Variants in ADAMTS5 observed in about 807,000 individuals in gnomAD.
The protein encoded by ADAMTS5 is ADAM metallopeptidase with thrombospondin type 1 motif 5.
In ADAMTS5, 54 loss-of-function variants were observed where a neutral mutation model predicts 81.4. The observed-to-expected ratio is 0.66, with a 90% CI of 0.53 to 0.83. The LOEUF (loss-of-function observed/expected upper bound fraction) is 0.83, where lower values mean the gene tolerates loss of function less well. Among genes scored for constraint, ADAMTS5 ranks in the 40% least tolerant of loss-of-function variants. The pLI is 0.00. For synonymous variants in ADAMTS5, 532 were observed against 508.8 expected (o/e 1.05, Z -0.61); for missense variants, 1,194 against 1,229.9 (o/e 0.97, Z 0.44).
intron 2 of ADAMTS5, among the ~76,000 whole-genome samples, chr21:26,950,915 G>A (rs1987304339): frequency 6.6e-6 from 1 of 152,014 alleles, no homozygotes; most frequent in Non-Finnish European, 1.5e-5. Context: ...GAGTGCAGTG[G>A]TGTAATCATA....
In ADAMTS5 at chr21:26,958,362, T is replaced by TAC. The variant is rs370868688; in HGVS notation, c.1105-3493_1105-3492dup. 4.3e-3 allele frequency among the ~76,000 whole-genome samples: 650 copies of TAC among 151,528 alleles called. 13 individuals are homozygous for TAC. In the South Asian group the frequency reaches 0.054, roughly 13 times the overall value. ...GCATGGAGCTCAAGGGAAGAGCACATACACACACACACACAAACGCATGCA... is the reference window on the plus strand; with the variant it reads ...GCATGGAGCTCAAGGGAAGAGCACATACACACACACACACACAAACGCATGCA... On this transcript the variant is annotated intron_variant, in intron 1 of 7. Coordinates refer to ENST00000284987, the MANE Select transcript of ADAMTS5 (RefSeq NM_007038.5).
chr21:26,956,524 T>C (rs888857649), intron 1 of ADAMTS5, among the ~76,000 whole-genome samples: 21 of 152,298 alleles, frequency 1.4e-4, no homozygotes, highest in Non-Finnish European at 2.5e-4. Context: ...TGCATAATAA[T>C]CAGTCTTTGA....
intron 6 of ADAMTS5, 52 bp from the exon 7 acceptor site, chr21:26,930,113 C>T (rs1186254714): frequency 1.3e-6 from 2 of 1,570,402 alleles, no homozygotes; most frequent in East Asian, 2.3e-5. Context: ...TCAGTATTTG[C>T]TCCTTTGGTC....
Position 26,949,276 on chromosome 21 carries a change from A to C in ADAMTS5, c.1237+5463T>G, listed in dbSNP as rs528277336. Among the ~76,000 whole-genome samples the C allele has an allele frequency of 1.2e-4, 18 of 151,760 alleles. 1 individual carries two copies. In the South Asian group the frequency reaches 3.8e-3, roughly 32 times the overall value. ...GCAGTCATGCTATCAAAGCCCACTG[A>C]AGCCTCCATCTCTTGGGTTCAAATG... On this transcript the variant is annotated intron_variant, in intron 2 of 7. Coordinates refer to ENST00000284987, the MANE Select transcript of ADAMTS5 (RefSeq NM_007038.5).
chr21:26,946,115 C>T (rs1455190875), intron 2 of ADAMTS5, among the ~76,000 whole-genome samples: 1 of 152,088 alleles, frequency 6.6e-6, no homozygotes, highest in East Asian at 1.9e-4. Context: ...GTAGCTGGAA[C>T]CAGGGCATGG....
Position 26,919,306 on chromosome 21 carries a change from A to T in ADAMTS5, c.*4747T>A, listed in dbSNP as rs1040448357. On this transcript the variant is annotated 3_prime_UTR_variant, in exon 8 of 8. Transcript: ENST00000284987. The stretch of plus-strand genomic sequence containing the variant: ...GGTCACTCTGATGTAGCAGTACCTT[A>T]CAGGATGAGGGGCCACTGCTCGTTT... 6.6e-6 allele frequency: 1 copy of T among 151,294 alleles called. No individual in the cohort carries two copies. The highest frequency in any genetic ancestry group is 1.5e-5 in the Non-Finnish European group (1 of 67,802). The allele number at this position is 151,294 out of a possible 1,614,324, so 9.4% of individuals were successfully genotyped here.
Position 26,929,016 on chromosome 21 carries a change from C to T in ADAMTS5, c.2225+870G>A, listed in dbSNP as rs562364224. 1.6e-4 allele frequency among the ~76,000 whole-genome samples: 24 copies of T among 152,212 alleles called. 1 individual carries two copies. In the South Asian group the frequency reaches 3.9e-3, roughly 25 times the overall value. On this transcript the variant is annotated intron_variant, in intron 7 of 7. Transcript: ENST00000284987. ...TTTCATTAGCAAATAGAATTAGTAA[C>T]GCATATTTTAACTCAGAATAAATTT...
chr21:26,920,500 G>A lies in ADAMTS5; in HGVS notation c.*3553C>T, dbSNP rs1195525979. On this transcript the variant is annotated 3_prime_UTR_variant, in exon 8 of 8. Transcript: ENST00000284987. The stretch of plus-strand genomic sequence containing the variant: ...TCTGTAGAATCCTACAGACACTAGA[G>A]ACTAAATGATATTAATTTTAGGAGG... 1 of 152,068 alleles carries A rather than the reference G, an allele frequency of 6.6e-6. No homozygotes were observed. Among genetic ancestry groups the A allele is most frequent in the African/African-American group, 2.4e-5 (1 of 41,426 alleles). 9.4% of individuals were successfully genotyped at this position (152,068 alleles called of 1,614,324 possible).
chr21:26,952,259 A>G (rs1987333320), intron 2 of ADAMTS5, among the ~76,000 whole-genome samples: 1 of 152,278 alleles, frequency 6.6e-6, no homozygotes, highest in Non-Finnish European at 1.5e-5. Flanking sequence ...TAGTTTTCAT[A>G]CAGAAGCCCA....
rs546090978 is a variant in ADAMTS5, at chr21:26,919,127, T to C, written c.*4926A>G. The C allele has an allele frequency of 1.5e-4, 23 of 152,004 alleles. No homozygotes were observed. Among genetic ancestry groups the C allele is most frequent in the African/African-American group, 5.5e-4 (23 of 41,486 alleles). 9.4% of individuals were successfully genotyped at this position (152,004 alleles called of 1,614,324 possible). A position where few individuals can be genotyped will look rare whatever the true frequency, so the allele number is the denominator to read the frequency against. On this transcript the variant is annotated 3_prime_UTR_variant, in exon 8 of 8. Coordinates refer to ENST00000284987, the MANE Select transcript of ADAMTS5 (RefSeq NM_007038.5). ...CAAAAATACCACATTTGACAGTCGG[T>C]CACGAAAGATGTTAGCACCTCAATA...
intron 2 of ADAMTS5, among the ~76,000 whole-genome samples, chr21:26,945,958 C>T (rs1216490841): frequency 6.6e-6 from 1 of 152,164 alleles, no homozygotes. Context: ...AAGAGATCGA[C>T]TCTTTTGAGG....
At chr21:26,955,233 A>G (rs1358066723) in intron 1 of ADAMTS5, among the ~76,000 whole-genome samples, 2 of 152,210 alleles carry the variant, frequency 1.3e-5, no homozygotes, top group Non-Finnish European at 2.9e-5. Context: ...TTCATGCTAA[A>G]TTTATCAAAA....
intron 1 of ADAMTS5, among the ~76,000 whole-genome samples, chr21:26,963,865 G>A (rs1257627906): frequency 6.6e-6 from 1 of 151,978 alleles, no homozygotes; most frequent in Non-Finnish European, 1.5e-5. Context: ...AGCACTGCGC[G>A]CTGCTTGGCT....
chr21:26,933,070 TA>T, intron 4 of ADAMTS5, 26 bp from the exon 5 acceptor site: 3 of 1,586,162 alleles, frequency 1.9e-6, no homozygotes. Context: ...GAATATATTT[TA>T]ACTCCAATGA....
intron 6 of ADAMTS5, 61 bp downstream of exon 6, chr21:26,931,943 A>G (rs1054185868): frequency 6.7e-7 from 1 of 1,495,664 alleles, no homozygotes; most frequent in Non-Finnish European, 8.9e-7. Context: ...CGCAGGCTTC[A>G]TTCTACCAAA....
At position 26,924,283 on chromosome 21, in the gene ADAMTS5, ACTT is replaced by A. The variant is rs1311362461; in HGVS notation, c.2560_2562del (p.Lys854del). 6.2e-7 allele frequency: 1 copy of A among 1,614,070 alleles called. No individual in the cohort carries two copies. On this transcript the variant is annotated inframe_deletion, in exon 8 of 8. Transcript: ENST00000284987. ...GTGACAGAGTTTACTTTTGGAGTGG[ACTT>A]CTTGGGAACAAAAAAGCTATAACGG...
At position 26,921,139 on chromosome 21, in the gene ADAMTS5, A is replaced by G. The variant is rs1986686237; in HGVS notation, c.*2914T>C. 2 of 152,640 alleles carry G rather than the reference A, an allele frequency of 1.3e-5. No homozygotes were observed. Among genetic ancestry groups the G allele is most frequent in the South Asian group, 4.1e-4 (2 of 4,824 alleles). 9.5% of individuals were successfully genotyped at this position (152,640 alleles called of 1,614,324 possible). On this transcript the variant is annotated 3_prime_UTR_variant, in exon 8 of 8. Transcript: ENST00000284987. ...ACAAATTCACATACCAGTTGCAAAA[A>G]CAATAAATTACTTTTTTTCAGTGCT...
rs146077595 is a variant in ADAMTS5, at chr21:26,918,959, T to C, written c.*5094A>G. 2 of 152,128 alleles carry C rather than the reference T, an allele frequency of 1.3e-5. No homozygotes were observed. The highest frequency in any genetic ancestry group is 4.8e-5 in the African/African-American group (2 of 41,550). 9.4% of individuals were successfully genotyped at this position (152,128 alleles called of 1,614,324 possible). ...AAATGTCCTCAGATGCACATGCAGT[T>C]TACGTCACTGACCACTGTTGGTCAA... On this transcript the variant is annotated 3_prime_UTR_variant, in exon 8 of 8. Transcript: ENST00000284987.
Position 26,943,480 on chromosome 21 carries a change from A to G in ADAMTS5, c.1305T>C (p.Asp435=), listed in dbSNP as rs779272849. ...FCEETFGSTE[D]KRLMSSILTS... ...TAAGGATGGAAGACATTAAGCGCTT[A>G]TCTTCTGTGGAACCAAAGGTCTCTT... Residue 435 remains aspartate (D), a synonymous_variant, in exon 3 of 8, where the codon GAT becomes GAC. Coordinates refer to ENST00000284987, the MANE Select transcript of ADAMTS5 (RefSeq NM_007038.5). The G allele has an allele frequency of 1.9e-6, 3 of 1,613,808 alleles. No individual in the cohort carries two copies. The highest frequency in any genetic ancestry group is 2.5e-6 in the Non-Finnish European group (3 of 1,179,780).
Sources: gnomAD v4.1 joint callset for allele counts (sites outside exome capture counted in the v4.1 genomes callset) on GRCh38, gnomAD v4.1.1 for gene constraint, MANE v1.5 for transcripts, NCBI Gene and HGNC (gene_info 2026-07-23, HGNC 2026-07-21) for gene names.